The following TMEM132C variants were observed in gnomAD, a reference collection of about 807,000 sequenced individuals.
TMEM132C encodes the protein transmembrane protein 132C.
In TMEM132C, 29 loss-of-function variants were observed where a neutral mutation model predicts 61.4. The ratio of observed to expected loss-of-function variants is 0.47; its 90% confidence interval spans 0.35 to 0.64. TMEM132C has a LOEUF of 0.64. Ranked by LOEUF, TMEM132C falls within the 30% of genes least tolerant of loss-of-function variation. The pLI is 0.00. For missense variants in TMEM132C, 1,408 were observed against 1,476.9 expected, an observed-to-expected ratio of 0.95 and a Z score of 0.76; for synonymous variants, 656 against 633.1, an observed-to-expected ratio of 1.04 and a Z score of -0.54.
intron 5 of TMEM132C, among the ~76,000 whole-genome samples, chr12:128,690,911 A>G (rs575517934): frequency 6.6e-6 from 1 of 152,274 alleles, no homozygotes; most frequent in East Asian, 1.9e-4. Context: ...TGAAGATGAA[A>G]ATTGAGCCCA....
Position 128,653,025 on chromosome 12 carries a change from A to C in TMEM132C, c.1306-16392A>C, listed in dbSNP as rs11831733. 5.5e-3 allele frequency among the ~76,000 whole-genome samples: 832 copies of C among 152,334 alleles called. 11 individuals are homozygous for C. The highest frequency in any genetic ancestry group is 0.018 in the African/African-American group (761 of 41,558). The stretch of plus-strand genomic sequence containing the variant: ...AATAGCCAAAAAGTGGGAACAACCC[A>C]AATGTCCATCAATTGAGAAAGAAAT... On this transcript the variant is annotated intron_variant, in intron 4 of 8. Coordinates refer to ENST00000435159, the MANE Select transcript of TMEM132C (RefSeq NM_001136103.3).
intron 2 of TMEM132C, among the ~76,000 whole-genome samples, chr12:128,492,699 T>C (rs1871785278): frequency 6.6e-6 from 1 of 152,208 alleles, no homozygotes; most frequent in African/African-American, 2.4e-5. Flanking sequence ...GATGGGGTTG[T>C]TTGTTTTTTT....
chr12:128,665,350 C>T (rs902433442), intron 4 of TMEM132C, among the ~76,000 whole-genome samples: 2 of 149,790 alleles, frequency 1.3e-5, no homozygotes, highest in African/African-American at 2.5e-5. Context: ...CATGTGCACA[C>T]AGACACACAT....
At chr12:128,356,004 T>G (rs1199931635) in intron 1 of TMEM132C, among the ~76,000 whole-genome samples, 3 of 152,214 alleles carry the variant, frequency 2.0e-5, no homozygotes, top group Non-Finnish European at 4.4e-5. Flanking sequence ...TTAGGTGTCT[T>G]GTCATTGTTG....
rs552673358 is a variant in TMEM132C, at chr12:128,435,571, TA to T, written c.974+19952del. On this transcript the variant is annotated intron_variant, in intron 2 of 8. Coordinates refer to ENST00000435159, the MANE Select transcript of TMEM132C (RefSeq NM_001136103.3). ...ATTGCTACAAAGAGAATAAAATACC[TA>T]GGAATCCAACTTACAAGGGATATGA... 1.0e-3 allele frequency among the ~76,000 whole-genome samples: 154 copies of T among 152,202 alleles called. No homozygotes were observed. The South Asian group carries it at 0.027, about 27-fold the overall frequency.
At chr12:128,388,838 G>C (rs1036732484) in intron 1 of TMEM132C, among the ~76,000 whole-genome samples, 1 of 152,364 alleles carries the variant, frequency 6.6e-6, no homozygotes, top group East Asian at 1.9e-4. Flanking sequence ...TAACGGGGAG[G>C]ATCTTGTTTC....
chr12:128,656,143 C>T (rs1027265348), intron 4 of TMEM132C, among the ~76,000 whole-genome samples: 3 of 152,178 alleles, frequency 2.0e-5, no homozygotes, highest in Non-Finnish European at 2.9e-5. Context: ...CTCTGCCTCC[C>T]GGGCACAAGC....
intron 8 of TMEM132C, among the ~76,000 whole-genome samples, chr12:128,700,999 A>AT (rs1206156485): frequency 6.6e-6 from 1 of 152,182 alleles, no homozygotes; most frequent in Non-Finnish European, 1.5e-5. Context: ...AGTAGAGTGT[A>AT]TTACCAACTC....
At chr12:128,606,488 G>A (rs965405918) in intron 3 of TMEM132C, among the ~76,000 whole-genome samples, 6 of 152,166 alleles carry the variant, frequency 3.9e-5, no homozygotes, top group South Asian at 2.1e-4. Context: ...AATTGGATTC[G>A]CTTCAACATT....
intron 4 of TMEM132C, among the ~76,000 whole-genome samples, chr12:128,619,913 TG>T (rs1424946629): frequency 6.6e-6 from 1 of 152,090 alleles, no homozygotes. Flanking sequence ...TGCGAGTGGC[TG>T]GGGTGCTGGT....
At chr12:128,318,439 C>T (rs186446008) in intron 1 of TMEM132C, among the ~76,000 whole-genome samples, 49 of 152,304 alleles carry the variant, frequency 3.2e-4, no homozygotes, top group African/African-American at 1.1e-3. Flanking sequence ...AACACACACT[C>T]CCCTAGAGGA....
intron 2 of TMEM132C, among the ~76,000 whole-genome samples, chr12:128,480,000 G>A (rs1593068369): frequency 1.3e-5 from 2 of 152,218 alleles, no homozygotes; most frequent in Admixed American, 1.3e-4. Context: ...GCTCATGCCT[G>A]TAATCTCAGC....
At chr12:128,616,101 G>A (rs1876789813) in intron 3 of TMEM132C, 51 bp from the exon 4 acceptor site, 1 of 1,531,196 alleles carries the variant, frequency 6.5e-7, no homozygotes, top group African/African-American at 1.4e-5. Flanking sequence ...GAGGAGAGAA[G>A]GGTCCTTTGA....
intron 3 of TMEM132C, among the ~76,000 whole-genome samples, chr12:128,574,985 A>G (rs760397224): frequency 2.0e-5 from 3 of 152,186 alleles, no homozygotes; most frequent in Non-Finnish European, 2.9e-5. Flanking sequence ...CAGGTAATAA[A>G]ATAAAAACCA....
Position 128,343,123 on chromosome 12 carries a change from C to T in TMEM132C, c.86-71609C>T, listed in dbSNP as rs145691654. Among the ~76,000 whole-genome samples the T allele has an allele frequency of 1.8e-3, 267 of 152,092 alleles. 1 individual carries two copies. Among genetic ancestry groups the T allele is most frequent in the African/African-American group, 5.9e-3 (246 of 41,464 alleles). On this transcript the variant is annotated intron_variant, in intron 1 of 8. Coordinates refer to ENST00000435159, the MANE Select transcript of TMEM132C (RefSeq NM_001136103.3). ...GCAATTGAGTCTGTGCAGGTGCATC[C>T]GGGGAGTTAAAACGAGCTGTGGCCA...
At chr12:128,471,190 G>A (rs1018915130) in intron 2 of TMEM132C, among the ~76,000 whole-genome samples, 4 of 152,166 alleles carry the variant, frequency 2.6e-5, no homozygotes, top group South Asian at 2.1e-4. Flanking sequence ...TCCCTGCTTC[G>A]ATCTGTGACA....
At chr12:128,628,755 T>C (rs1954041384) in intron 4 of TMEM132C, among the ~76,000 whole-genome samples, 1 of 152,218 alleles carries the variant, frequency 6.6e-6, no homozygotes, top group Non-Finnish European at 1.5e-5. Context: ...TCTGATCTGT[T>C]TCATGTGTTG....
At chr12:128,671,384 G>T (rs1057343845) in intron 5 of TMEM132C, among the ~76,000 whole-genome samples, 2 of 152,108 alleles carry the variant, frequency 1.3e-5, no homozygotes, top group Non-Finnish European at 2.9e-5. Context: ...AAGGCGATGT[G>T]AGGGCTTTAC....
chr12:128,678,132 G>C lies in TMEM132C; in HGVS notation c.1449+8572G>C, dbSNP rs550982734. On this transcript the variant is annotated intron_variant, in intron 5 of 8. Coordinates refer to ENST00000435159, the MANE Select transcript of TMEM132C (RefSeq NM_001136103.3). ...TTCGGGTGGCATCCCTCCCTAAACA[G>C]CAGGACAGCAGAAGAGAGTTTTCTA... is the stretch of plus-strand genomic sequence containing the variant. Among the ~76,000 whole-genome samples the C allele has an allele frequency of 1.2e-3, 177 of 152,332 alleles. 1 individual carries two copies. The highest frequency in any genetic ancestry group is 2.2e-3 in the Non-Finnish European group (151 of 68,024).
Sources: gnomAD v4.1 joint callset for allele counts (sites outside exome capture counted in the v4.1 genomes callset) on GRCh38, gnomAD v4.1.1 for gene constraint, MANE v1.5 for transcripts, NCBI Gene and HGNC (gene_info 2026-07-23, HGNC 2026-07-21) for gene names.